PDE10A: variants seen among roughly 807,000 people sequenced by gnomAD.
The protein encoded by PDE10A is phosphodiesterase 10A, also known as cAMP and cAMP-inhibited cGMP 3',5'-cyclic phosphodiesterase 10A.
Under a neutral mutation model 97.7 loss-of-function variants are expected in PDE10A, and 39 were observed. The observed-to-expected ratio is 0.40, with a 90% CI of 0.31 to 0.52. The LOEUF (loss-of-function observed/expected upper bound fraction) is 0.52, where lower values mean the gene tolerates loss of function less well. PDE10A is among the 20% of genes least tolerant of loss of function. PDE10A has a pLI of 0.56. For synonymous variants in PDE10A, 371 were observed against 376.8 expected, an observed-to-expected ratio of 0.98 and a Z score of 0.18; for missense variants, 731 against 1,047.8, an observed-to-expected ratio of 0.70 and a Z score of 4.17.
At chr6:165,811,892 C>A (rs1187684486) in intron 1 of PDE10A, among the ~76,000 whole-genome samples, 1 of 151,988 alleles carries the variant, frequency 6.6e-6, no homozygotes, top group East Asian at 1.9e-4. Context: ...CTTGCCCTGT[C>A]CCCCAGGCTG....
chr6:165,877,078 G>A (rs1459235843), intron 1 of PDE10A, among the ~76,000 whole-genome samples: 1 of 152,108 alleles, frequency 6.6e-6, no homozygotes, highest in Non-Finnish European at 1.5e-5. Flanking sequence ...TAGTTTGAGG[G>A]AAAAACAATT....
chr6:165,726,331 A>G lies in PDE10A; in HGVS notation c.-614-182763T>C, dbSNP rs527793343. On this transcript the variant is annotated intron_variant, in intron 1 of 19. Transcript: ENST00000366882. ...AAATTGGGAAGTATTAATGATGGGA[A>G]AAAATATACCCAGGAAACATTAAAA... 2.6e-5 allele frequency among the ~76,000 whole-genome samples: 4 copies of G among 152,318 alleles called. No homozygotes were observed. In the East Asian group the frequency reaches 7.7e-4, roughly 29 times the overall value.
At chr6:165,425,898 T>C (rs1025503795) in intron 10 of PDE10A, among the ~76,000 whole-genome samples, 2 of 151,798 alleles carry the variant, frequency 1.3e-5, no homozygotes, top group African/African-American at 4.8e-5. Flanking sequence ...AAACCAATGT[T>C]GTTTCTACAC....
At chr6:165,871,747 C>G (rs1781209844) in intron 1 of PDE10A, among the ~76,000 whole-genome samples, 2 of 152,280 alleles carry the variant, frequency 1.3e-5, no homozygotes, top group South Asian at 2.1e-4. Flanking sequence ...CAGAATGTGC[C>G]AACCCCAGGG....
intron 3 of PDE10A, among the ~76,000 whole-genome samples, chr6:165,473,353 T>C (rs1333494755): frequency 2.0e-5 from 3 of 152,106 alleles, no homozygotes; most frequent in Non-Finnish European, 4.4e-5. Flanking sequence ...AAAATGCAAG[T>C]AGAAATGATT....
chr6:165,710,791 A>T (rs188486676), intron 1 of PDE10A, among the ~76,000 whole-genome samples: 1 of 152,366 alleles, frequency 6.6e-6, no homozygotes, highest in Non-Finnish European at 1.5e-5. Flanking sequence ...TACCCAACTT[A>T]ACTTCAAAAA....
At chr6:165,748,156 C>T (rs1446540067) in intron 1 of PDE10A, among the ~76,000 whole-genome samples, 1 of 151,938 alleles carries the variant, frequency 6.6e-6, no homozygotes, top group Non-Finnish European at 1.5e-5. Flanking sequence ...TCAGACAGCC[C>T]AGAAAAAAAA....
At chr6:165,374,130 A>G (rs985959932) in intron 18 of PDE10A, among the ~76,000 whole-genome samples, 1 of 149,938 alleles carries the variant, frequency 6.7e-6, no homozygotes. Context: ...ACCTAATGCT[A>G]AATGACGAAT....
At chr6:165,432,674 G>A (rs1465219835) in intron 7 of PDE10A, among the ~76,000 whole-genome samples, 1 of 152,128 alleles carries the variant, frequency 6.6e-6, no homozygotes, top group Non-Finnish European at 1.5e-5. Flanking sequence ...CAACCAGAGT[G>A]TGAAAAGTCT....
chr6:165,740,640 T>C (rs531235716), intron 1 of PDE10A, among the ~76,000 whole-genome samples: 1 of 152,244 alleles, frequency 6.6e-6, no homozygotes, highest in Admixed American at 6.5e-5. Context: ...GCCTGTGTGA[T>C]GGAATATTAC....
intron 2 of PDE10A, among the ~76,000 whole-genome samples, chr6:165,512,980 C>T (rs1485292710): frequency 6.6e-6 from 1 of 151,844 alleles, no homozygotes; most frequent in Non-Finnish European, 1.5e-5. Flanking sequence ...ATACTCAGAT[C>T]TGTTGACTTT....
chr6:165,419,204 A>G (rs1321381135), intron 10 of PDE10A, among the ~76,000 whole-genome samples: 1 of 152,190 alleles, frequency 6.6e-6, no homozygotes, highest in Admixed American at 6.5e-5. Context: ...ACCACCACTC[A>G]TTCTGATTAG....
At chr6:165,461,097 A>AT (rs56866978) in intron 3 of PDE10A, among the ~76,000 whole-genome samples, 140,174 of 152,170 alleles carry the variant, frequency 0.92, 64,751 homozygotes, top group African/African-American at 0.98. Flanking sequence ...GAGCTCCAAC[A>AT]TTTCCCCTTG....
intron 3 of PDE10A, among the ~76,000 whole-genome samples, chr6:165,467,912 C>T (rs1396953848): frequency 6.6e-6 from 1 of 152,086 alleles, no homozygotes; most frequent in Non-Finnish European, 1.5e-5. Context: ...TTATTTTTGC[C>T]TTATTTTTAA....
At chr6:165,984,342 TA>T (rs1165234721) in intron 1 of PDE10A, among the ~76,000 whole-genome samples, 2 of 152,212 alleles carry the variant, frequency 1.3e-5, no homozygotes, top group African/African-American at 4.8e-5. Flanking sequence ...TAGATTTTTT[TA>T]AATCCTAATA....
intron 1 of PDE10A, among the ~76,000 whole-genome samples, chr6:165,871,116 T>C (rs1345788245): frequency 2.0e-5 from 3 of 152,220 alleles, no homozygotes; most frequent in Non-Finnish European, 2.9e-5. Context: ...CACAAAGAAA[T>C]GATAGATGTT....
At chr6:165,930,534 G>A (rs971233078) in intron 1 of PDE10A, among the ~76,000 whole-genome samples, 2 of 152,164 alleles carry the variant, frequency 1.3e-5, no homozygotes, top group East Asian at 1.9e-4. Context: ...GAGTTGCTTC[G>A]AGTTTCACAA....
intron 1 of PDE10A, among the ~76,000 whole-genome samples, chr6:165,615,891 G>A (rs1429939163): frequency 1.3e-5 from 2 of 152,084 alleles, no homozygotes; most frequent in African/African-American, 4.8e-5. Context: ...AGCATTGCAG[G>A]GGAATGCATG....
chr6:165,926,049 A>G (rs1313000923), intron 1 of PDE10A, among the ~76,000 whole-genome samples: 3 of 152,262 alleles, frequency 2.0e-5, no homozygotes, highest in Non-Finnish European at 4.4e-5. Context: ...TTCTTAAAAT[A>G]AAAGTTTAAA....
Sources: allele counts gnomAD v4.1 joint callset (sites outside exome capture counted in the v4.1 genomes callset), GRCh38; gene constraint gnomAD v4.1.1; transcripts MANE v1.5; gene names NCBI Gene and HGNC (gene_info 2026-07-23, HGNC 2026-07-21).